Variants in FBXO28 observed in about 807,000 individuals in gnomAD.
The protein encoded by FBXO28 is F-box only protein 28.
Under a neutral mutation model 38.1 loss-of-function variants are expected in FBXO28, and 8 were observed. The observed-to-expected ratio is 0.21, with a 90% CI of 0.12 to 0.38. The LOEUF (loss-of-function observed/expected upper bound fraction) is 0.38, where lower values mean the gene tolerates loss of function less well. Among genes scored for constraint, FBXO28 ranks in the 10% least tolerant of loss-of-function variants. The probability of loss-of-function intolerance (pLI) is 1.00; values close to 1 mark genes in which losing one functional copy is unlikely to be tolerated. For synonymous variants in FBXO28, 168 were observed against 173.8 expected, an observed-to-expected ratio of 0.97 and a Z score of 0.26; for missense variants, 345 against 460.6, an observed-to-expected ratio of 0.75 and a Z score of 2.30.
chr1:224,119,135 C>CTTTTTTTTTTT lies in FBXO28; in HGVS notation c.267+4747_267+4757dup, dbSNP rs67458349. 1.8e-3 allele frequency among the ~76,000 whole-genome samples: 193 copies of CTTTTTTTTTTT among 109,884 alleles called. 6 individuals carry two copies. The highest frequency in any genetic ancestry group is 6.5e-3 in the Middle Eastern group (1 of 154). 72.1% of individuals were successfully genotyped at this position (109,884 alleles called of 152,430 possible). A position where few individuals can be genotyped will look rare whatever the true frequency, so the allele number is the denominator to read the frequency against. ...CTCTTGCTGATTTTTTCTTTTTTTT[C>CTTTTTTTTTTT]TTTTTTTTTTTTTTTTTTGACGGAA... On this transcript the variant is annotated intron_variant, in intron 1 of 4. Coordinates refer to ENST00000366862, the MANE Select transcript of FBXO28 (RefSeq NM_015176.4).
intron 4 of FBXO28, among the ~76,000 whole-genome samples, chr1:224,154,838 C>T (rs1657736320): frequency 6.9e-6 from 1 of 145,548 alleles, no homozygotes; most frequent in African/African-American, 2.5e-5. Flanking sequence ...ATTAGCCAAG[C>T]GTGGTGACGC....
At chr1:224,134,255 A>C in intron 3 of FBXO28, 43 bp downstream of exon 3, 1 of 1,590,202 alleles carries the variant, frequency 6.3e-7, no homozygotes, top group Non-Finnish European at 8.6e-7. Context: ...ACTGCCCTAC[A>C]TAAACTTATT....
chr1:224,126,326 C>A (rs1416318443), intron 1 of FBXO28, among the ~76,000 whole-genome samples: 1 of 152,170 alleles, frequency 6.6e-6, no homozygotes, highest in African/African-American at 2.4e-5. Context: ...TTTGACTGAA[C>A]CTTGAAAATT....
intron 3 of FBXO28, among the ~76,000 whole-genome samples, chr1:224,143,456 A>G (rs1657415486): frequency 6.6e-6 from 1 of 152,124 alleles, no homozygotes; most frequent in African/African-American, 2.4e-5. Context: ...CAGGGTGGAT[A>G]ACGACCTGGT....
At chr1:224,135,984 G>A (rs1413298481) in intron 3 of FBXO28, among the ~76,000 whole-genome samples, 2 of 150,332 alleles carry the variant, frequency 1.3e-5, no homozygotes, top group Non-Finnish European at 1.5e-5. Flanking sequence ...GCAGTGAGCC[G>A]AGATCATGCC....
intron 1 of FBXO28, among the ~76,000 whole-genome samples, chr1:224,116,324 G>T (rs1221358282): frequency 6.6e-6 from 1 of 152,122 alleles, no homozygotes; most frequent in Non-Finnish European, 1.5e-5. Context: ...GCCACTAGGT[G>T]TCAGCATTAA....
In FBXO28 at chr1:224,114,293, C is replaced by G; in HGVS notation, c.164C>G (p.Pro55Arg). 1 of 1,561,164 alleles carries G rather than the reference C, an allele frequency of 6.4e-7. No homozygotes were observed. Among genetic ancestry groups the G allele is most frequent in the African/African-American group, 1.4e-5 (1 of 73,702 alleles). ...SQALPAPALA[P>R]DQLPQNNTLV... ...GCGCTCCCAGCCCCCGCGCTGGCTC[C>G]GGACCAGCTGCCTCAAAACAACACG... is the stretch of plus-strand genomic sequence containing the variant. Residue 55 changes from proline (P) to arginine (R), a missense_variant, in exon 1 of 5, where the codon CCG becomes CGG. Pro to Arg is a moderately radical substitution (Grantham distance 103). Coordinates refer to ENST00000366862, the MANE Select transcript of FBXO28 (RefSeq NM_015176.4).
chr1:224,147,976 A>G (rs930992614), intron 3 of FBXO28, among the ~76,000 whole-genome samples: 2 of 152,196 alleles, frequency 1.3e-5, no homozygotes, highest in Admixed American at 1.3e-4. Flanking sequence ...TCTCACACAC[A>G]TACTTTCCTT....
rs1388215972 is a variant in FBXO28 at position 224,153,337 on chromosome 1, G to T, written c.712G>T (p.Val238Phe). ...TGGAAGACTCATGGGCTCTCCTCCA[G>T]GTATCTCTACTTTATAATCATGCTT... is the stretch of plus-strand genomic sequence containing the variant. ...VSGRLMGSPP[V>F]PGPSAALTTM... Residue 238 changes from valine to phenylalanine, a missense_variant and splice_region_variant, in exon 4 of 5, where the codon GTT becomes TTT. This residue lies in a region of FBXO28 where 151 missense variants were observed against 188.3 expected (regional missense o/e 0.80). Transcript: ENST00000366862. 6.4e-7 allele frequency: 1 copy of T among 1,571,088 alleles called. No homozygotes were observed. The highest frequency in any genetic ancestry group is 8.6e-7 in the Non-Finnish European group (1 of 1,162,844).
rs543358397 is a variant in FBXO28, at chr1:224,143,673, A to C, written c.516+9461A>C. Among the ~76,000 whole-genome samples the C allele has an allele frequency of 8.6e-5, 13 of 151,428 alleles. No individual in the cohort carries two copies. The South Asian group carries it at 2.7e-3, about 31-fold the overall frequency. ...CCCCATTTCTACTAAAAATACAAAA[A>C]ATAAATAAATAAATTAGCCAGGCGT... On this transcript the variant is annotated intron_variant, in intron 3 of 4. Transcript: ENST00000366862.
At chr1:224,125,338 C>A (rs1415797868) in intron 1 of FBXO28, among the ~76,000 whole-genome samples, 1 of 152,052 alleles carries the variant, frequency 6.6e-6, no homozygotes, top group Non-Finnish European at 1.5e-5. Context: ...TCTAATTTGT[C>A]CATCTTTGTG....
intron 1 of FBXO28, among the ~76,000 whole-genome samples, chr1:224,115,690 GT>G (rs1656628010): frequency 6.6e-6 from 1 of 152,120 alleles, no homozygotes; most frequent in Non-Finnish European, 1.5e-5. Context: ...AGAATTTCAT[GT>G]AGAATCTTAA....
chr1:224,122,609 C>T (rs965301444), intron 1 of FBXO28, among the ~76,000 whole-genome samples: 1 of 151,530 alleles, frequency 6.6e-6, no homozygotes, highest in African/African-American at 2.4e-5. Context: ...TTTTTACAGC[C>T]CCCCCCAAGC....
chr1:224,120,678 C>T (rs1656750744), intron 1 of FBXO28, among the ~76,000 whole-genome samples: 1 of 152,054 alleles, frequency 6.6e-6, no homozygotes, highest in South Asian at 2.1e-4. Flanking sequence ...GCCTTACCAA[C>T]ATGGTGAAAC....
intron 3 of FBXO28, among the ~76,000 whole-genome samples, chr1:224,139,672 C>T (rs1434578857): frequency 1.3e-5 from 2 of 151,944 alleles, no homozygotes; most frequent in Admixed American, 6.6e-5. Context: ...ACCCAGGAGG[C>T]GGAGGCTGCA....
chr1:224,148,862 C>CCT (rs1558196035), intron 3 of FBXO28, among the ~76,000 whole-genome samples: 20 of 968 alleles, frequency 0.021, no homozygotes, highest in Admixed American at 0.087. Context: ...AATTTACTTA[C>CCT]TAATGTCCTT....
intron 3 of FBXO28, among the ~76,000 whole-genome samples, chr1:224,139,772 A>ACATACATG (rs1558192794): frequency 8.5e-6 from 1 of 118,154 alleles, no homozygotes; most frequent in African/African-American, 3.6e-5. Flanking sequence ...ATGCATACAT[A>ACATACATG]CATACATACA....
At chr1:224,117,139 C>CAAAAAT (rs1414631233) in intron 1 of FBXO28, among the ~76,000 whole-genome samples, 1 of 147,252 alleles carries the variant, frequency 6.8e-6, no homozygotes, top group Non-Finnish European at 1.5e-5. Flanking sequence ...ATCGCCGTCT[C>CAAAAAT]AAAAATAAAA....
chr1:224,133,412 A>G (rs181517861), intron 2 of FBXO28, among the ~76,000 whole-genome samples: 40 of 152,360 alleles, frequency 2.6e-4, no homozygotes, highest in Admixed American at 2.4e-3. Context: ...AAATTTTATC[A>G]TCAAAAGCAT....
Sources: gnomAD v4.1 joint callset for allele counts (sites outside exome capture counted in the v4.1 genomes callset) on GRCh38, gnomAD v4.1.1 for gene constraint, gnomAD v4.1.1 regional missense constraint, MANE v1.5 for transcripts, NCBI Gene and HGNC (gene_info 2026-07-23, HGNC 2026-07-21) for gene names.